Variants in FLI1 observed in about 807,000 individuals in gnomAD.
FLI1 encodes Friend leukemia integration 1 transcription factor.
Under a neutral mutation model 53.1 loss-of-function variants are expected in FLI1, and 13 were observed. That is an observed-to-expected ratio of 0.24 (90% confidence interval 0.16 to 0.39). FLI1 has a LOEUF of 0.39. Among genes scored for constraint, FLI1 ranks in the 10% least tolerant of loss-of-function variants. FLI1 has a pLI of 1.00. For missense variants in FLI1, 424 were observed against 600.5 expected, an observed-to-expected ratio of 0.71 and a Z score of 3.07; for synonymous variants, 244 against 236.7, an observed-to-expected ratio of 1.03 and a Z score of -0.28.
At chr11:128,790,647 C>T (rs537425988) in intron 5 of FLI1, among the ~76,000 whole-genome samples, 3 of 152,288 alleles carry the variant, frequency 2.0e-5, no homozygotes, top group South Asian at 2.1e-4. Context: ...GGAAACAGCC[C>T]GTTTCCTAAG....
chr11:128,745,591 A>G (rs1238566), intron 1 of FLI1, among the ~76,000 whole-genome samples: 60,021 of 152,152 alleles, frequency 0.39, 12,195 homozygotes, highest in South Asian at 0.46. Flanking sequence ...ACGGAAAAGA[A>G]GCGGCCATTA....
At position 128,739,472 on chromosome 11, in the gene FLI1, C is replaced by T. The variant is rs191186103; in HGVS notation, c.19-18643C>T. Among the ~76,000 whole-genome samples the T allele has an allele frequency of 1.9e-3, 283 of 152,150 alleles. 3 individuals are homozygous for T. The highest frequency in any genetic ancestry group is 3.4e-3 in the Middle Eastern group (1 of 294). ...CAGTCTTTAATCTGCCAAACAAGCCCGTGAGCCTTCAAAAGGCATTTTAAT... is the reference window on the plus strand; with the variant it reads ...CAGTCTTTAATCTGCCAAACAAGCCTGTGAGCCTTCAAAAGGCATTTTAAT... On this transcript the variant is annotated intron_variant, in intron 1 of 8. Coordinates refer to ENST00000527786, the MANE Select transcript of FLI1 (RefSeq NM_002017.5).
intron 1 of FLI1, among the ~76,000 whole-genome samples, chr11:128,718,299 C>T (rs1480810065): frequency 2.6e-5 from 4 of 152,212 alleles, no homozygotes; most frequent in African/African-American, 9.6e-5. Flanking sequence ...CAGCTCCTGC[C>T]GTCACTAGAT....
intron 1 of FLI1, among the ~76,000 whole-genome samples, chr11:128,708,350 G>C (rs1193649779): frequency 6.6e-6 from 1 of 152,212 alleles, no homozygotes; most frequent in Non-Finnish European, 1.5e-5. Flanking sequence ...TGATTGGAAG[G>C]AGTTGGTTGT....
chr11:128,788,014 G>T (rs977283878), intron 5 of FLI1, among the ~76,000 whole-genome samples: 1 of 151,230 alleles, frequency 6.6e-6, no homozygotes, highest in Admixed American at 6.6e-5. Context: ...GTTTCACCAC[G>T]TTAGCCAGGA....
chr11:128,782,079 G>A, intron 5 of FLI1, 56 bp downstream of exon 5: 1 of 1,367,338 alleles, frequency 7.3e-7, no homozygotes, highest in Non-Finnish European at 1.0e-6. Context: ...CATGACACAG[G>A]CCCATGCTGT....
intron 5 of FLI1, among the ~76,000 whole-genome samples, chr11:128,797,136 T>A (rs1041363724): frequency 6.6e-5 from 10 of 152,254 alleles, no homozygotes; most frequent in African/African-American, 2.4e-4. Flanking sequence ...ATTTTACGTT[T>A]CTTGATTTGA....
At chr11:128,695,449 T>G (rs1246111653) in intron 1 of FLI1, among the ~76,000 whole-genome samples, 3 of 152,118 alleles carry the variant, frequency 2.0e-5, no homozygotes, top group Non-Finnish European at 4.4e-5. Flanking sequence ...GAGCCCGCCA[T>G]TCCCCAGAAC....
intron 5 of FLI1, among the ~76,000 whole-genome samples, chr11:128,790,093 T>TGC (rs1555123871): frequency 7.7e-4 from 117 of 151,498 alleles, no homozygotes; most frequent in Admixed American, 2.6e-3. Flanking sequence ...TGTGTGTGTG[T>TGC]GTGCACGCGT....
chr11:128,715,268 G>C (rs752550337), intron 1 of FLI1, among the ~76,000 whole-genome samples: 15 of 152,252 alleles, frequency 9.9e-5, no homozygotes, highest in Non-Finnish European at 2.1e-4. Context: ...GAAGACAAGA[G>C]TGTTACCATT....
At chr11:128,685,496 G>T (rs774132321), upstream of FLI1, among the ~76,000 whole-genome samples, 1 of 151,948 alleles carries the variant, frequency 6.6e-6, no homozygotes, top group Non-Finnish European at 1.5e-5. Context: ...TCCTTTCTCC[G>T]GCTTTCTTTT....
At chr11:128,757,044 TTTTCTTTCTTTCTTTC>T (rs147249846) in intron 1 of FLI1, among the ~76,000 whole-genome samples, 1,447 of 107,100 alleles carry the variant, frequency 0.014, 7 homozygotes, top group African/African-American at 0.019. Flanking sequence ...CTAGCTAATT[TTTTCTTTCTTTCTTTC>T]TTTCTTTCTT....
chr11:128,762,754 C>T (rs1206371851), intron 2 of FLI1, among the ~76,000 whole-genome samples: 2 of 152,136 alleles, frequency 1.3e-5, no homozygotes, highest in African/African-American at 2.4e-5. Flanking sequence ...GTCGGGAGTT[C>T]GAGACCAGCC....
chr11:128,782,493 G>A (rs768031821), intron 5 of FLI1, among the ~76,000 whole-genome samples: 2 of 152,050 alleles, frequency 1.3e-5, no homozygotes, highest in African/African-American at 4.8e-5. Context: ...TCAGGAGTTC[G>A]AAGCCCAGCC....
chr11:128,686,756 C>T (rs1376700987), intron 1 of FLI1: 3 of 302,502 alleles, frequency 9.9e-6, no homozygotes, highest in South Asian at 8.0e-5. Flanking sequence ...CTACCCCACC[C>T]GGGCCTATGG....
chr11:128,727,352 ATACTT>A (rs1429534146), intron 1 of FLI1, among the ~76,000 whole-genome samples: 54 of 152,386 alleles, frequency 3.5e-4, no homozygotes, highest in African/African-American at 1.3e-3. Flanking sequence ...TATTATGTAT[ATACTT>A]TATAGCTTAT....
rs560688548 is a variant in FLI1, at chr11:128,803,548, C to T, written c.656-1818C>T. On this transcript the variant is annotated intron_variant, in intron 5 of 8. Transcript: ENST00000527786. ...GTTCCACTCACCTCTCTGTCAACCT[C>T]CAGGAACCCTTTATGTGTCCTCCAT... Among the ~76,000 whole-genome samples the T allele has an allele frequency of 5.9e-5, 9 of 152,344 alleles. No homozygotes were observed. In the East Asian group the frequency reaches 1.5e-3, roughly 26 times the overall value.
chr11:128,691,357 G>A (rs1937733530), upstream of FLI1, among the ~76,000 whole-genome samples: 1 of 152,128 alleles, frequency 6.6e-6, no homozygotes, highest in Admixed American at 6.5e-5. Context: ...CATAAAAGTG[G>A]GGCAAACTGA....
At chr11:128,781,521 C>T (rs1474883362) in intron 4 of FLI1, among the ~76,000 whole-genome samples, 1 of 152,182 alleles carries the variant, frequency 6.6e-6, no homozygotes, top group African/African-American at 2.4e-5. Context: ...ATCTGCCAAC[C>T]TCTGCTCTAG....
Sources: allele counts gnomAD v4.1 joint callset (sites outside exome capture counted in the v4.1 genomes callset), GRCh38; gene constraint gnomAD v4.1.1; transcripts MANE v1.5; gene names NCBI Gene and HGNC (gene_info 2026-07-23, HGNC 2026-07-21).